SLC30A9: variants seen among roughly 807,000 people sequenced by gnomAD.
SLC30A9 encodes solute carrier family 30 member 9.
SLC30A9 carries 58 observed loss-of-function variants against 87.5 expected under a neutral mutation model. The observed-to-expected ratio is 0.66, with a 90% confidence interval of 0.54 to 0.82. The LOEUF (loss-of-function observed/expected upper bound fraction) is 0.82. Among genes scored for constraint, SLC30A9 ranks in the 40% least tolerant of loss-of-function variants. SLC30A9 has a pLI of 0.00. For missense variants in SLC30A9, 557 were observed against 679.1 expected, an observed-to-expected ratio of 0.82 and a Z score of 2.00; for synonymous variants, 234 against 233.0, an observed-to-expected ratio of 1.00 and a Z score of -0.04.
intron 1 of SLC30A9, among the ~76,000 whole-genome samples, chr4:41,991,944 C>G (rs17445536): frequency 0.049 from 7,382 of 152,160 alleles, 255 homozygotes; most frequent in African/African-American, 0.078. Flanking sequence ...TAAATTTTAA[C>G]AGCACTATTC....
intron 15 of SLC30A9, among the ~76,000 whole-genome samples, chr4:42,071,312 T>TAAAA (rs1718299555): frequency 6.6e-6 from 1 of 152,192 alleles, no homozygotes; most frequent in African/African-American, 2.4e-5. Flanking sequence ...CCCAGTTTTC[T>TAAAA]ACTAACTCGC....
intron 15 of SLC30A9, among the ~76,000 whole-genome samples, chr4:42,073,751 TAGAG>T (rs1718409353): frequency 6.6e-6 from 1 of 152,150 alleles, no homozygotes; most frequent in Non-Finnish European, 1.5e-5. Flanking sequence ...GATAAGGCAA[TAGAG>T]AGCGAGTGTG....
At chr4:42,050,710 G>A (rs12500253) in intron 9 of SLC30A9, among the ~76,000 whole-genome samples, 99,360 of 152,120 alleles carry the variant, frequency 0.65, 36,939 homozygotes, top group East Asian at 0.96. Context: ...TTTTGCCATA[G>A]ACAACTAAAA....
At position 41,990,584 on chromosome 4, in the gene SLC30A9, T is replaced by A. The variant is rs756230147; in HGVS notation, c.-68T>A. On this transcript the variant is annotated 5_prime_UTR_variant, in exon 1 of 18. Coordinates refer to ENST00000264451, the MANE Select transcript of SLC30A9 (RefSeq NM_006345.4). ...GTTCGCTGATGTCCAGTCTATGGAG[T>A]CAGTTGGTACCGGTGGCGGCGCGGA... is the stretch of plus-strand genomic sequence containing the variant. 95 of 910,500 alleles carry A rather than the reference T, an allele frequency of 1.0e-4. No individual in the cohort carries two copies. Among genetic ancestry groups the A allele is most frequent in the Non-Finnish European group, 3.8e-5 (22 of 582,854 alleles). The allele number at this position is 910,500 out of a possible 1,614,324, so 56.4% of individuals were successfully genotyped here. A position where few individuals can be genotyped will look rare whatever the true frequency, so the allele number is the denominator to read the frequency against.
chr4:42,047,640 A>G (rs1333412005), intron 8 of SLC30A9, among the ~76,000 whole-genome samples: 1 of 152,234 alleles, frequency 6.6e-6, no homozygotes, highest in Non-Finnish European at 1.5e-5. Flanking sequence ...GAGAGTGTAA[A>G]TTAGTTCAAC....
intron 1 of SLC30A9, among the ~76,000 whole-genome samples, chr4:42,001,184 A>C (rs546632917): frequency 1.3e-5 from 2 of 151,084 alleles, no homozygotes; most frequent in African/African-American, 4.9e-5. Context: ...ATGAATGATT[A>C]ATATAATTCA....
intron 6 of SLC30A9, among the ~76,000 whole-genome samples, chr4:42,024,606 G>A (rs1716109632): frequency 6.6e-6 from 1 of 151,972 alleles, no homozygotes; most frequent in Non-Finnish European, 1.5e-5. Context: ...AAATGGCATA[G>A]GCATTTAAAA....
At chr4:42,060,288 TAA>T (rs769826390) in intron 10 of SLC30A9, 42 bp downstream of exon 10, 1 of 1,439,718 alleles carries the variant, frequency 6.9e-7, no homozygotes. Context: ...GTTTTGGCGA[TAA>T]GTCATTGAAA....
chr4:42,035,552 C>T (rs1414429538), intron 7 of SLC30A9, among the ~76,000 whole-genome samples: 1 of 149,632 alleles, frequency 6.7e-6, no homozygotes, highest in Non-Finnish European at 1.5e-5. Flanking sequence ...GGCTGGAGTG[C>T]AGTAGTGTAA....
chr4:42,067,022 A>G, intron 13 of SLC30A9, 63 bp from the exon 14 acceptor site: 1 of 898,040 alleles, frequency 1.1e-6, no homozygotes. Flanking sequence ...TTAAAATGTT[A>G]CCTGATAGTA....
Position 42,024,092 on chromosome 4 carries a change from G to A in SLC30A9, c.610+708G>A, listed in dbSNP as rs555688007. Among the ~76,000 whole-genome samples, 19 of 152,180 alleles carry A rather than the reference G, an allele frequency of 1.2e-4. 1 individual carries two copies. Among genetic ancestry groups the A allele is most frequent in the African/African-American group, 4.1e-4 (17 of 41,534 alleles). On this transcript the variant is annotated intron_variant, in intron 6 of 17. Coordinates refer to ENST00000264451, the MANE Select transcript of SLC30A9 (RefSeq NM_006345.4). ...CATATCAATTACTTTTTTACAGAAG[G>A]GTCTATTAACTCAGCTACATTAATT...
intron 6 of SLC30A9, among the ~76,000 whole-genome samples, chr4:42,028,105 G>A (rs986204998): frequency 1.3e-5 from 2 of 152,178 alleles, no homozygotes; most frequent in African/African-American, 4.8e-5. Context: ...AGCAACCACA[G>A]GCAAGAATTT....
In SLC30A9 at chr4:42,089,787, A is replaced by C. The variant is rs996425294; in HGVS notation, c.*3661A>C. Reference sequence around the variant, plus strand: ...CAAAGAGGTAAGTTCCTGAACATACACTAAAGAACCTGTGAGATAAGATCA... The same window carrying C: ...CAAAGAGGTAAGTTCCTGAACATACCCTAAAGAACCTGTGAGATAAGATCA... On this transcript the variant is annotated 3_prime_UTR_variant, in exon 18 of 18. Transcript: ENST00000264451. 2 of 152,240 alleles carry C rather than the reference A, an allele frequency of 1.3e-5. No individual in the cohort carries two copies. The highest frequency in any genetic ancestry group is 4.8e-5 in the African/African-American group (2 of 41,460). The allele number at this position is 152,240 out of a possible 1,614,324, so 9.4% of individuals were successfully genotyped here.
Position 42,075,183 on chromosome 4 carries a change from C to T in SLC30A9, c.1419-474C>T, listed in dbSNP as rs561534212. Reference sequence around the variant, plus strand: ...CTGCCTCCCAGGTTCAAGCAATTCTCCTGTCTCAGCCTCCTGAGTAGCTGG... The same window carrying T: ...CTGCCTCCCAGGTTCAAGCAATTCTTCTGTCTCAGCCTCCTGAGTAGCTGG... On this transcript the variant is annotated intron_variant, in intron 15 of 17. Coordinates refer to ENST00000264451, the MANE Select transcript of SLC30A9 (RefSeq NM_006345.4). Among the ~76,000 whole-genome samples, 49 of 144,744 alleles carry T rather than the reference C, an allele frequency of 3.4e-4. No homozygotes were observed. In the East Asian group the frequency reaches 8.3e-3, roughly 25 times the overall value. The allele number at this position is 144,744 out of a possible 152,430, so 95.0% of individuals were successfully genotyped here.
intron 16 of SLC30A9, among the ~76,000 whole-genome samples, chr4:42,077,938 T>G (rs1718619673): frequency 6.6e-6 from 1 of 151,558 alleles, no homozygotes; most frequent in African/African-American, 2.4e-5. Flanking sequence ...AGGGATTCAA[T>G]TTTTTTTTCT....
rs562913539 is a variant in SLC30A9 at position 42,032,295 on chromosome 4, C to A, written c.611-2980C>A. The stretch of plus-strand genomic sequence containing the variant: ...GGGACACAGGTCCAAACCATGTCAC[C>A]AGCCCTCTTCGAAAAAAGTTTGCCA... On this transcript the variant is annotated intron_variant, in intron 6 of 17. Transcript: ENST00000264451. Among the ~76,000 whole-genome samples the A allele has an allele frequency of 7.9e-5, 12 of 152,140 alleles. 1 individual carries two copies. The South Asian group carries it at 2.3e-3, about 29-fold the overall frequency.
intron 8 of SLC30A9, among the ~76,000 whole-genome samples, chr4:42,041,607 A>T (rs1716926390): frequency 6.6e-6 from 1 of 152,080 alleles, no homozygotes; most frequent in African/African-American, 2.4e-5. Flanking sequence ...ATGGTGGGTG[A>T]TGTGCGCCTG....
At chr4:42,019,547 TCA>T (rs140322329) in intron 3 of SLC30A9, among the ~76,000 whole-genome samples, 2,787 of 152,272 alleles carry the variant, frequency 0.018, 80 homozygotes, top group African/African-American at 0.064. Context: ...GTACTTTTCT[TCA>T]GTTTTATTAC....
At chr4:41,998,186 T>A (rs944926990) in intron 1 of SLC30A9, among the ~76,000 whole-genome samples, 4 of 152,212 alleles carry the variant, frequency 2.6e-5, no homozygotes, top group African/African-American at 9.6e-5. Flanking sequence ...ATTAGGTCAC[T>A]AGCTACAGAG....
Sources: allele counts gnomAD v4.1 joint callset (sites outside exome capture counted in the v4.1 genomes callset), GRCh38; gene constraint gnomAD v4.1.1; transcripts MANE v1.5; gene names NCBI Gene and HGNC (gene_info 2026-07-23, HGNC 2026-07-21).